Variants in SLC39A11 observed in about 807,000 individuals in gnomAD.
SLC39A11 encodes zinc transporter ZIP11.
A neutral mutation model predicts 36.1 loss-of-function variants in SLC39A11; 33 were observed. That is an observed-to-expected ratio of 0.91 (90% CI 0.69 to 1.22). The LOEUF (loss-of-function observed/expected upper bound fraction) is 1.22, where lower values mean the gene tolerates loss of function less well. Among genes scored for constraint, SLC39A11 ranks in the 50% most tolerant of loss-of-function variants. The pLI is 0.00. For synonymous variants in SLC39A11, 166 were observed against 170.3 expected, an observed-to-expected ratio of 0.97 and a Z score of 0.20; for missense variants, 432 against 430.3, an observed-to-expected ratio of 1.00 and a Z score of -0.03.
chr17:72,845,943 G>A (rs1347267819), intron 6 of SLC39A11, among the ~76,000 whole-genome samples: 8 of 149,056 alleles, frequency 5.4e-5, no homozygotes, highest in Non-Finnish European at 1.0e-4. Flanking sequence ...ACGGAGTCTC[G>A]CTGTGTCACC....
chr17:73,048,712 G>T lies in SLC39A11; in HGVS notation c.148-16998C>A, dbSNP rs533424988. On this transcript the variant is annotated intron_variant, in intron 3 of 9. Coordinates refer to ENST00000255559, the MANE Select transcript of SLC39A11 (RefSeq NM_139177.4). ...GCTTATCTCCTAGGGTGGTGGTAAGGATTAAATGAGATTATGTGTGCCAAA... is the reference window on the plus strand; with the variant it reads ...GCTTATCTCCTAGGGTGGTGGTAAGTATTAAATGAGATTATGTGTGCCAAA... Among the ~76,000 whole-genome samples the T allele has an allele frequency of 4.6e-5, 7 of 152,212 alleles. No homozygotes were observed. The South Asian group carries it at 1.2e-3, about 27-fold the overall frequency.
intron 6 of SLC39A11, among the ~76,000 whole-genome samples, chr17:72,828,343 G>C (rs1180759406): frequency 2.6e-5 from 4 of 152,166 alleles, no homozygotes; most frequent in Non-Finnish European, 5.9e-5. Context: ...ATGCAAGAAA[G>C]ATTCAACTGG....
At chr17:72,902,793 G>A (rs890201455) in intron 5 of SLC39A11, among the ~76,000 whole-genome samples, 2 of 151,676 alleles carry the variant, frequency 1.3e-5, no homozygotes, top group African/African-American at 4.9e-5. Context: ...GTTTCTTCCA[G>A]TGGGTACCCC....
intron 2 of SLC39A11, among the ~76,000 whole-genome samples, chr17:73,086,637 T>C (rs1339462667): frequency 6.6e-6 from 1 of 151,958 alleles, no homozygotes; most frequent in Non-Finnish European, 1.5e-5. Context: ...CTGAGCAACA[T>C]AGTGAAACCC....
At chr17:72,661,582 T>C (rs2070422430) in intron 7 of SLC39A11, among the ~76,000 whole-genome samples, 1 of 152,140 alleles carries the variant, frequency 6.6e-6, no homozygotes, top group South Asian at 2.1e-4. Flanking sequence ...AAAGGCCTGA[T>C]TGTTCAGGCC....
At chr17:73,078,498 T>G (rs1254627267) in intron 3 of SLC39A11, among the ~76,000 whole-genome samples, 1 of 151,316 alleles carries the variant, frequency 6.6e-6, no homozygotes, top group Non-Finnish European at 1.5e-5. Flanking sequence ...TTTTGTTGTT[T>G]TTTTTTTTGA....
intron 3 of SLC39A11, among the ~76,000 whole-genome samples, chr17:73,044,928 G>A (rs2143650910): frequency 6.6e-6 from 1 of 151,832 alleles, no homozygotes; most frequent in Non-Finnish European, 1.5e-5. Flanking sequence ...TTGGGTGGTG[G>A]TTATACAGAT....
At chr17:72,698,298 A>T (rs2072413474) in intron 7 of SLC39A11, among the ~76,000 whole-genome samples, 2 of 152,220 alleles carry the variant, frequency 1.3e-5, no homozygotes, top group South Asian at 4.1e-4. Context: ...GCTCAGAACT[A>T]AACTGATGTG....
At chr17:72,730,876 G>A (rs142674319) in intron 7 of SLC39A11, among the ~76,000 whole-genome samples, 15 of 152,092 alleles carry the variant, frequency 9.9e-5, no homozygotes, top group East Asian at 5.8e-4. Flanking sequence ...ATACTCAGCC[G>A]AGCAATAGGA....
chr17:72,673,930 T>C (rs913274861), intron 7 of SLC39A11, among the ~76,000 whole-genome samples: 4 of 152,068 alleles, frequency 2.6e-5, no homozygotes, highest in Non-Finnish European at 5.9e-5. Flanking sequence ...TAGCCAGGCG[T>C]GGTAGCATGG....
At chr17:72,679,825 C>G (rs368183098) in intron 7 of SLC39A11, among the ~76,000 whole-genome samples, 2 of 152,018 alleles carry the variant, frequency 1.3e-5, no homozygotes, top group Non-Finnish European at 2.9e-5. Flanking sequence ...GGGCGGATCA[C>G]GAGGCCAAGA....
At chr17:72,818,739 C>G (rs1442335115) in intron 6 of SLC39A11, 2 of 152,138 alleles carry the variant, frequency 1.3e-5, no homozygotes, top group Non-Finnish European at 2.9e-5. Flanking sequence ...CTGTCCCTCC[C>G]AGGCTCATGT....
At chr17:72,839,675 A>C (rs2078720285) in intron 6 of SLC39A11, 1 of 152,246 alleles carries the variant, frequency 6.6e-6, no homozygotes, top group African/African-American at 2.4e-5. Flanking sequence ...AGTTTGTGAT[A>C]ATTGGTTACA....
intron 6 of SLC39A11, among the ~76,000 whole-genome samples, chr17:72,745,382 A>G (rs1366195971): frequency 6.6e-6 from 1 of 152,218 alleles, no homozygotes; most frequent in Admixed American, 6.5e-5. Flanking sequence ...CATCTCAGCA[A>G]TGAGAGGGGC....
At chr17:72,726,144 C>T (rs1301680069) in intron 7 of SLC39A11, among the ~76,000 whole-genome samples, 3 of 152,146 alleles carry the variant, frequency 2.0e-5, no homozygotes, top group Admixed American at 6.5e-5. Flanking sequence ...GGATGCTCCA[C>T]GAGTCTGGGA....
chr17:73,005,357 C>T (rs916087754), intron 4 of SLC39A11, among the ~76,000 whole-genome samples: 7 of 152,194 alleles, frequency 4.6e-5, no homozygotes, highest in African/African-American at 1.4e-4. Context: ...TCCCCAGGAG[C>T]TTCCACAGTT....
intron 4 of SLC39A11, among the ~76,000 whole-genome samples, chr17:73,018,091 T>C (rs2058226837): frequency 6.6e-6 from 1 of 152,226 alleles, no homozygotes; most frequent in Non-Finnish European, 1.5e-5. Context: ...TAAAAGCTAC[T>C]CTATACCCAT....
chr17:72,891,649 T>C (rs963003099), intron 5 of SLC39A11, among the ~76,000 whole-genome samples: 2 of 152,100 alleles, frequency 1.3e-5, no homozygotes, highest in Non-Finnish European at 2.9e-5. Context: ...ATTACCTCGC[T>C]TTTACTTCCC....
chr17:73,054,807 C>CA (rs5821939), intron 3 of SLC39A11, among the ~76,000 whole-genome samples: 65,745 of 112,924 alleles, frequency 0.58, 16,557 homozygotes, highest in East Asian at 0.6. Flanking sequence ...GATTCCGTCT[C>CA]AAAAAAAAAA....
Sources: gnomAD v4.1 joint callset for allele counts (sites outside exome capture counted in the v4.1 genomes callset) on GRCh38, gnomAD v4.1.1 for gene constraint, MANE v1.5 for transcripts, NCBI Gene and HGNC (gene_info 2026-07-23, HGNC 2026-07-21) for gene names.